STAP1: variants seen among roughly 807,000 people sequenced by gnomAD.
STAP1 encodes the protein signal transducing adaptor family member 1.
A neutral mutation model predicts 37.8 loss-of-function variants in STAP1; 30 were observed. That is an observed-to-expected ratio of 0.79 (90% CI 0.59 to 1.08). The LOEUF is 1.08. STAP1 is among the 50% of genes least tolerant of loss of function. STAP1 has a pLI of 0.00. For missense variants in STAP1, 357 were observed against 349.4 expected (o/e 1.02, Z -0.17); for synonymous variants, 130 against 116.0 (o/e 1.12, Z -0.78).
In STAP1 at chr4:67,581,296, TGG is replaced by T; in HGVS notation, c.364-8_364-7del. 6.2e-7 allele frequency: 1 copy of T among 1,607,232 alleles called. No homozygotes were observed. The highest frequency in any genetic ancestry group is 1.1e-5 in the South Asian group (1 of 89,678). ...TTTCTTGCCTGCCTACTCTTTTAATTGGTTTCAGCTGTCAGTTCCCCAAAACG... is the reference window on the plus strand; with the variant it reads ...TTTCTTGCCTGCCTACTCTTTTAATTTTTCAGCTGTCAGTTCCCCAAAACG... On this transcript the variant is annotated splice_polypyrimidine_tract_variant and splice_region_variant and intron_variant, in intron 4 of 8. Transcript: ENST00000265404.
chr4:67,559,684 T>A (rs1286640359), intron 1 of STAP1, among the ~76,000 whole-genome samples: 1 of 151,996 alleles, frequency 6.6e-6, no homozygotes, highest in African/African-American at 2.4e-5. Flanking sequence ...TGTTATTAAA[T>A]AAAAAAATCA....
intron 5 of STAP1, among the ~76,000 whole-genome samples, chr4:67,582,433 C>T (rs1020241876): frequency 4.0e-5 from 6 of 151,854 alleles, no homozygotes; most frequent in Admixed American, 1.3e-4. Context: ...CTTGACCTGC[C>T]GAGTAGCTGG....
chr4:67,605,913 A>G (rs900265484), intron 8 of STAP1, among the ~76,000 whole-genome samples: 5 of 152,164 alleles, frequency 3.3e-5, no homozygotes, highest in African/African-American at 9.7e-5. Context: ...CTAAAAGAAA[A>G]TAAGATTTTT....
intron 2 of STAP1, among the ~76,000 whole-genome samples, chr4:67,572,786 G>T (rs2319415): frequency 0.83 from 125,955 of 152,178 alleles, 52,971 homozygotes; most frequent in Non-Finnish European, 0.9. Context: ...CCTAATTTAA[G>T]TCTCACAACT....
intron 8 of STAP1, 58 bp from the exon 9 acceptor site, chr4:67,606,238 A>G: frequency 2.8e-6 from 4 of 1,440,536 alleles, no homozygotes; most frequent in Non-Finnish European, 3.8e-6. Flanking sequence ...AAAATAAAGA[A>G]CCACCGTTTT....
At chr4:67,576,808 T>G (rs1204155118) in intron 3 of STAP1, among the ~76,000 whole-genome samples, 2 of 152,224 alleles carry the variant, frequency 1.3e-5, no homozygotes, top group African/African-American at 2.4e-5. Flanking sequence ...ATTGTTATTA[T>G]TAGTAATAAC....
intron 8 of STAP1, among the ~76,000 whole-genome samples, chr4:67,595,417 C>A (rs1311907326): frequency 3.4e-5 from 5 of 146,038 alleles, no homozygotes; most frequent in Admixed American, 6.8e-5. Flanking sequence ...GGTATGGTAG[C>A]ACATGCCTGT....
chr4:67,596,698 C>A (rs984696705), intron 8 of STAP1, among the ~76,000 whole-genome samples: 1 of 152,164 alleles, frequency 6.6e-6, no homozygotes, highest in East Asian at 1.9e-4. Flanking sequence ...TGGCATTTTG[C>A]CCCATCCTAG....
intron 1 of STAP1, among the ~76,000 whole-genome samples, chr4:67,565,084 G>A (rs1182722039): frequency 6.6e-6 from 1 of 152,158 alleles, no homozygotes; most frequent in Non-Finnish European, 1.5e-5. Context: ...TTAATGCAGG[G>A]TGGGGAAGCC....
chr4:67,589,376 A>C (rs1728073427), intron 6 of STAP1, among the ~76,000 whole-genome samples: 1 of 152,186 alleles, frequency 6.6e-6, no homozygotes, highest in Non-Finnish European at 1.5e-5. Flanking sequence ...AGGTTATTGG[A>C]ATTTATGAGC....
At chr4:67,590,629 T>C (rs1728098195) in intron 6 of STAP1, among the ~76,000 whole-genome samples, 1 of 152,146 alleles carries the variant, frequency 6.6e-6, no homozygotes, top group Non-Finnish European at 1.5e-5. Flanking sequence ...TTTTTTCCTG[T>C]TTATTCTTTC....
rs575800106 is a variant in STAP1, at chr4:67,606,181, A to C, written c.827-115A>C. On this transcript the variant is annotated intron_variant, in intron 8 of 8. Coordinates refer to ENST00000265404, the MANE Select transcript of STAP1 (RefSeq NM_012108.4). ...GTATTTATTTTCCTAACAATTACTA[A>C]ACACACCAGCAATGTTCCACACACG... 1.4e-4 allele frequency: 102 copies of C among 745,474 alleles called. 2 individuals carry two copies. The South Asian group carries it at 2.0e-3, about 14-fold the overall frequency. 46.2% of individuals were successfully genotyped at this position (745,474 alleles called of 1,614,324 possible).
At chr4:67,558,975 T>C (rs1727275442) in intron 1 of STAP1, 46 bp downstream of exon 1, 3 of 1,516,568 alleles carry the variant, frequency 2.0e-6, no homozygotes, top group Admixed American at 2.1e-5. Flanking sequence ...TCTGTTTTAA[T>C]TTAATATTTA....
In STAP1 at chr4:67,558,904, T is replaced by C; in HGVS notation, c.95T>C (p.Leu32Ser). 1 of 1,613,196 alleles carries C rather than the reference T, an allele frequency of 6.2e-7. No individual in the cohort carries two copies. Among genetic ancestry groups the C allele is most frequent in the Middle Eastern group, 1.7e-4 (1 of 6,050 alleles). ...TALPLYFEGF[L>S]LIKRSGYREY... is the part of the protein sequence containing the mutation. ...CTACCTTTGTACTTTGAAGGTTTTTTATTAATCAAGCGGTCAGGATACCGG... is the reference window on the plus strand; with the variant it reads ...CTACCTTTGTACTTTGAAGGTTTTTCATTAATCAAGCGGTCAGGATACCGG... Residue 32 changes from leucine to serine, a missense_variant, in exon 1 of 9, where the codon TTA becomes TCA. Physicochemically the swap from Leu to Ser is moderately radical, Grantham distance 145 (BLOSUM62 -2). Transcript: ENST00000265404.
intron 3 of STAP1, among the ~76,000 whole-genome samples, chr4:67,575,823 T>G (rs1727707779): frequency 6.6e-6 from 1 of 152,120 alleles, no homozygotes; most frequent in African/African-American, 2.4e-5. Context: ...GGTAATAACA[T>G]AAAGAGAACA....
rs182453809 is a variant in STAP1, at chr4:67,567,167, G to A, written c.121-3917G>A. Among the ~76,000 whole-genome samples the A allele has an allele frequency of 6.6e-5, 10 of 152,196 alleles. No homozygotes were observed. In the East Asian group the frequency reaches 9.6e-4, roughly 15 times the overall value. On this transcript the variant is annotated intron_variant, in intron 1 of 8. Coordinates refer to ENST00000265404, the MANE Select transcript of STAP1 (RefSeq NM_012108.4). ...TGTCATTAAACTGCTTGACTGAGAC[G>A]TATCAGGTATATATTGGGCATCTGG...
At chr4:67,593,209 C>G (rs1168982422) in intron 7 of STAP1, 51 bp from the exon 8 acceptor site, 2 of 1,338,342 alleles carry the variant, frequency 1.5e-6, no homozygotes, top group Non-Finnish European at 2.1e-6. Context: ...TTCTCTTACT[C>G]TATACTTATG....
chr4:67,569,497 T>G (rs561770437), intron 1 of STAP1, among the ~76,000 whole-genome samples: 21 of 152,312 alleles, frequency 1.4e-4, no homozygotes, highest in Non-Finnish European at 2.4e-4. Flanking sequence ...AATTTTTGAC[T>G]CTTTTGTAAT....
chr4:67,562,068 C>CAAAAAAA (rs71219057), intron 1 of STAP1, among the ~76,000 whole-genome samples: 7 of 77,258 alleles, frequency 9.1e-5, no homozygotes, highest in East Asian at 9.1e-4. Flanking sequence ...GAGACTCTGT[C>CAAAAAAA]AAAAAAAAAA....
Sources: gnomAD v4.1 joint callset for allele counts (sites outside exome capture counted in the v4.1 genomes callset) on GRCh38, gnomAD v4.1.1 for gene constraint, MANE v1.5 for transcripts, NCBI Gene and HGNC (gene_info 2026-07-23, HGNC 2026-07-21) for gene names.